TAF2: variants seen among roughly 807,000 people sequenced by gnomAD.
The protein encoded by TAF2 is TATA-box binding protein associated factor 2.
Under a neutral mutation model 138.5 loss-of-function variants are expected in TAF2, and 61 were observed. The observed-to-expected ratio is 0.44, with a 90% CI of 0.36 to 0.54. The LOEUF (loss-of-function observed/expected upper bound fraction) is 0.54, where lower values mean the gene tolerates loss of function less well. Ranked by LOEUF, TAF2 falls within the 20% of genes least tolerant of loss-of-function variation. The probability of loss-of-function intolerance (pLI) is 0.00; values close to 1 mark genes in which losing one functional copy is unlikely to be tolerated. For synonymous variants in TAF2, 475 were observed against 469.9 expected (o/e 1.01, Z -0.14); for missense variants, 1,090 against 1,427.9 (o/e 0.76, Z 3.81).
chr8:119,762,410 CA>C lies in TAF2; in HGVS notation c.2558+4del. On this transcript the variant is annotated splice_donor_region_variant and intron_variant, in intron 19 of 25. Transcript: ENST00000378164. ...ATAACTTTAAAGTAAGGAATTTAAT[CA>C]TACCTGACAGTGATGGTATGCCTGT... 7 of 1,612,846 alleles carry C rather than the reference CA, an allele frequency of 4.3e-6. No individual in the cohort carries two copies. The highest frequency in any genetic ancestry group is 1.7e-4 in the Middle Eastern group (1 of 5,952).
intron 4 of TAF2, among the ~76,000 whole-genome samples, chr8:119,806,004 A>C (rs1364506190): frequency 6.6e-6 from 1 of 151,836 alleles, no homozygotes; most frequent in Non-Finnish European, 1.5e-5. Flanking sequence ...TCCTGGGTTC[A>C]AGCAATTCTC....
At chr8:119,752,658 C>G (rs1433852555) in intron 22 of TAF2, among the ~76,000 whole-genome samples, 2 of 152,130 alleles carry the variant, frequency 1.3e-5, no homozygotes, top group East Asian at 3.8e-4. Flanking sequence ...TTCTATAAAT[C>G]CAACCACAAT....
intron 16 of TAF2, among the ~76,000 whole-genome samples, chr8:119,781,970 G>T (rs1423298811): frequency 1.3e-5 from 2 of 152,168 alleles, no homozygotes; most frequent in African/African-American, 4.8e-5. Flanking sequence ...TTACAGGCGT[G>T]AGCCACTGCA....
At chr8:119,787,744 A>C (rs918642247) in intron 14 of TAF2, among the ~76,000 whole-genome samples, 1 of 152,204 alleles carries the variant, frequency 6.6e-6, no homozygotes. Context: ...ACTGGGTATT[A>C]CCCAAAGGAT....
intron 25 of TAF2, among the ~76,000 whole-genome samples, chr8:119,738,629 T>C (rs1253210788): frequency 2.6e-5 from 4 of 152,182 alleles, no homozygotes; most frequent in Admixed American, 6.6e-5. Context: ...GTAAACTCTT[T>C]CCTGGAGACC....
At chr8:119,753,326 A>T (rs1414886992) in intron 22 of TAF2, among the ~76,000 whole-genome samples, 3 of 152,132 alleles carry the variant, frequency 2.0e-5, no homozygotes, top group Non-Finnish European at 2.9e-5. Flanking sequence ...AAATTTTTTT[A>T]AATCAAATAA....
chr8:119,760,700 T>C lies in TAF2; in HGVS notation c.2597A>G (p.His866Arg), dbSNP rs746565380. The change falls in exon 20 of 26, where the codon CAT (histidine) becomes CGT (arginine). Residue 866 changes from histidine (H) to arginine (R), a missense_variant. Physicochemically the swap from His to Arg is conservative, Grantham distance 29. Coordinates refer to ENST00000378164, the MANE Select transcript of TAF2 (RefSeq NM_003184.4). ...AAAAAGAGCTGGATCACTTGGCACA[T>C]GTCCGTTCTTCTGAAGTACCCGTAT... ...RAIRVLQKNG[H>R]VPSDPALFKS... is the part of the protein sequence containing the mutation. The C allele has an allele frequency of 1.9e-6, 3 of 1,614,002 alleles. No individual in the cohort carries two copies. The highest frequency in any genetic ancestry group is 1.3e-5 in the African/African-American group (1 of 75,062).
In TAF2 at chr8:119,766,530, C is replaced by T. The variant is rs1373124556; in HGVS notation, c.2365-3922G>A. Among the ~76,000 whole-genome samples the T allele has an allele frequency of 3.9e-5, 6 of 152,180 alleles. No homozygotes were observed. In the East Asian group the frequency reaches 1.2e-3, roughly 29 times the overall value. ...AGTGACGACTTATGGTGGCTCACAC[C>T]TGTAATCCCAGCACTTTGGGAGGCT... On this transcript the variant is annotated intron_variant, in intron 18 of 25. Coordinates refer to ENST00000378164, the MANE Select transcript of TAF2 (RefSeq NM_003184.4).
chr8:119,746,958 T>A (rs749289217), intron 22 of TAF2, 24 bp from the exon 23 acceptor site: 5 of 1,605,280 alleles, frequency 3.1e-6, no homozygotes, highest in Non-Finnish European at 4.3e-6. Flanking sequence ...AATAAAGAAA[T>A]GAGTCAATAT....
chr8:119,802,889 G>A (rs1375563959), intron 5 of TAF2, among the ~76,000 whole-genome samples: 1 of 152,168 alleles, frequency 6.6e-6, no homozygotes, highest in African/African-American at 2.4e-5. Context: ...TTGCGCCACT[G>A]CACTCCAGCT....
intron 3 of TAF2, among the ~76,000 whole-genome samples, chr8:119,809,812 C>T (rs1246678839): frequency 2.0e-5 from 3 of 152,108 alleles, no homozygotes; most frequent in African/African-American, 7.2e-5. Context: ...GTCCCCAAAA[C>T]AATTACAATT....
chr8:119,740,030 G>A (rs964290346), intron 25 of TAF2, among the ~76,000 whole-genome samples: 1 of 152,002 alleles, frequency 6.6e-6, no homozygotes, highest in Admixed American at 6.6e-5. Context: ...AGAATCCCTA[G>A]AGACTGAAGA....
At chr8:119,830,403 C>T (rs1014324539) in intron 2 of TAF2, among the ~76,000 whole-genome samples, 2 of 152,096 alleles carry the variant, frequency 1.3e-5, no homozygotes, top group African/African-American at 2.4e-5. Context: ...TTCACTAATG[C>T]TATCTTCATT....
intron 18 of TAF2, among the ~76,000 whole-genome samples, chr8:119,772,626 A>G (rs1821926576): frequency 6.6e-6 from 1 of 152,074 alleles, no homozygotes; most frequent in African/African-American, 2.4e-5. Context: ...AAGATACACA[A>G]TATAAAATAA....
At chr8:119,825,076 C>CACCATCCAG (rs1355296419) in intron 2 of TAF2, among the ~76,000 whole-genome samples, 1 of 152,256 alleles carries the variant, frequency 6.6e-6, no homozygotes, top group African/African-American at 2.4e-5. Context: ...AAGCTGCAGA[C>CACCATCCAG]ACTCAACGCC....
chr8:119,795,812 C>CT, intron 8 of TAF2, among the ~76,000 whole-genome samples, 181 bp from the exon 9 acceptor site: 1 of 152,008 alleles, frequency 6.6e-6, no homozygotes, highest in Non-Finnish European at 1.5e-5. Flanking sequence ...TTTATTATAC[C>CT]TTATTCACAC....
intron 6 of TAF2, among the ~76,000 whole-genome samples, chr8:119,801,086 T>C (rs367715619): frequency 3.9e-5 from 6 of 152,178 alleles, no homozygotes; most frequent in East Asian, 3.8e-4. Context: ...TCTGTATAGG[T>C]TGAAGAGAGA....
chr8:119,827,753 T>G (rs1204100678), intron 2 of TAF2, among the ~76,000 whole-genome samples: 1 of 113,670 alleles, frequency 8.8e-6, no homozygotes, highest in African/African-American at 3.5e-5. Flanking sequence ...TTTTTTTTTT[T>G]GGAGCAGGGG....
chr8:119,831,572 C>T (rs1826448024), intron 2 of TAF2, 105 bp downstream of exon 2: 2 of 798,558 alleles, frequency 2.5e-6, no homozygotes, highest in Non-Finnish European at 4.0e-6. Context: ...ATTCTTGAAA[C>T]ACAATTATCT....
Sources: gnomAD v4.1 joint callset for allele counts (sites outside exome capture counted in the v4.1 genomes callset) on GRCh38, gnomAD v4.1.1 for gene constraint, MANE v1.5 for transcripts, NCBI Gene and HGNC (gene_info 2026-07-23, HGNC 2026-07-21) for gene names.